PLEKHM3: variants seen among roughly 807,000 people sequenced by gnomAD.
PLEKHM3 encodes pleckstrin homology domain containing M3.
Under a neutral mutation model 81.8 loss-of-function variants are expected in PLEKHM3, and 45 were observed. That is an observed-to-expected ratio of 0.55 (90% CI 0.43 to 0.71). The LOEUF (loss-of-function observed/expected upper bound fraction) is 0.71, where lower values mean the gene tolerates loss of function less well. Ranked by LOEUF, PLEKHM3 falls within the 30% of genes least tolerant of loss-of-function variation. PLEKHM3 has a pLI of 0.00. For synonymous variants in PLEKHM3, 352 were observed against 356.4 expected (o/e 0.99, Z 0.14); for missense variants, 788 against 924.3 (o/e 0.85, Z 1.91).
chr2:207,996,377 T>A (rs916069888), intron 2 of PLEKHM3, among the ~76,000 whole-genome samples: 4 of 152,212 alleles, frequency 2.6e-5, no homozygotes, highest in African/African-American at 9.7e-5. Flanking sequence ...GGTGGAGTCA[T>A]TTTTTCTAGA....
chr2:207,828,360 C>T lies in PLEKHM3; in HGVS notation c.2245G>A (p.Glu749Lys). 1 of 1,613,998 alleles carries T rather than the reference C, an allele frequency of 6.2e-7. No individual in the cohort carries two copies. Among genetic ancestry groups the T allele is most frequent in the Non-Finnish European group, 8.5e-7 (1 of 1,179,996 alleles). The change falls in exon 8 of 8, where the codon GAG becomes AAG. Residue 749 changes from glutamate (E) to lysine (K), a missense_variant. Physicochemically the swap from Glu to Lys is moderately conservative, Grantham distance 56 (BLOSUM62 1). Transcript: ENST00000427836. ...QRLNMDESLE[E>K]ACTMFELSYQ... is the part of the protein sequence containing the mutation. Reference sequence around the variant, plus strand: ...GACAGCTCGAACATGGTGCAAGCCTCCTCTAGACTCTCGTCCATGTTCAGT... The same window carrying T: ...GACAGCTCGAACATGGTGCAAGCCTTCTCTAGACTCTCGTCCATGTTCAGT...
chr2:207,927,408 C>T (rs1689431884), intron 5 of PLEKHM3, among the ~76,000 whole-genome samples: 2 of 149,270 alleles, frequency 1.3e-5, no homozygotes, highest in African/African-American at 5.0e-5. Context: ...CCCAGCCACT[C>T]AGGAGGCTGA....
chr2:208,023,626 C>T (rs1159543588), intron 1 of PLEKHM3, among the ~76,000 whole-genome samples: 3 of 152,100 alleles, frequency 2.0e-5, no homozygotes, highest in African/African-American at 4.8e-5. Context: ...AGGTTGCACG[C>T]TCCTTATGAG....
At chr2:207,831,269 A>C (rs1559198771) in intron 7 of PLEKHM3, among the ~76,000 whole-genome samples, 1 of 152,296 alleles carries the variant, frequency 6.6e-6, no homozygotes, top group Non-Finnish European at 1.5e-5. Flanking sequence ...AGACTCCAAG[A>C]GGGCTAGGGA....
chr2:207,894,220 C>T (rs1049284934), intron 6 of PLEKHM3, among the ~76,000 whole-genome samples: 5 of 152,208 alleles, frequency 3.3e-5, no homozygotes, highest in Non-Finnish European at 5.9e-5. Flanking sequence ...TGTGGATTAT[C>T]CAGTTCCTTT....
intron 6 of PLEKHM3, among the ~76,000 whole-genome samples, chr2:207,903,745 G>A (rs939659955): frequency 7.2e-5 from 11 of 152,050 alleles, no homozygotes; most frequent in African/African-American, 2.2e-4. Flanking sequence ...GTAAAATCTG[G>A]AACCTTTTCA....
At chr2:207,882,326 G>T (rs959430148) in intron 6 of PLEKHM3, among the ~76,000 whole-genome samples, 8 of 152,074 alleles carry the variant, frequency 5.3e-5, no homozygotes, top group African/African-American at 1.9e-4. Context: ...AAAAGGCCTG[G>T]GTTGGCCGGA....
At chr2:207,928,403 G>C (rs999043284) in intron 5 of PLEKHM3, among the ~76,000 whole-genome samples, 4 of 152,212 alleles carry the variant, frequency 2.6e-5, no homozygotes, top group African/African-American at 9.7e-5. Context: ...GAAAATAACA[G>C]GTGGTGGCTT....
chr2:207,939,647 G>C (rs1574425359), intron 4 of PLEKHM3, among the ~76,000 whole-genome samples: 1 of 152,154 alleles, frequency 6.6e-6, no homozygotes, highest in Non-Finnish European at 1.5e-5. Context: ...TTATGAACTG[G>C]GTTCTATTAT....
intron 7 of PLEKHM3, among the ~76,000 whole-genome samples, chr2:207,850,971 G>T (rs1365632188): frequency 6.6e-6 from 1 of 151,878 alleles, no homozygotes; most frequent in Non-Finnish European, 1.5e-5. Flanking sequence ...TGACCAACAC[G>T]ATGAAACCCC....
At chr2:207,859,542 T>C (rs1473635725) in intron 7 of PLEKHM3, among the ~76,000 whole-genome samples, 1 of 152,166 alleles carries the variant, frequency 6.6e-6, no homozygotes, top group Non-Finnish European at 1.5e-5. Context: ...TTCTACTTTT[T>C]AGCTATTACG....
chr2:207,991,932 C>T (rs1691912740), intron 2 of PLEKHM3, among the ~76,000 whole-genome samples: 1 of 152,198 alleles, frequency 6.6e-6, no homozygotes, highest in East Asian at 1.9e-4. Flanking sequence ...AGAAAAATTA[C>T]AGTGATATTT....
intron 1 of PLEKHM3, among the ~76,000 whole-genome samples, chr2:208,009,174 G>C (rs1275450178): frequency 6.6e-6 from 1 of 152,166 alleles, no homozygotes; most frequent in Non-Finnish European, 1.5e-5. Flanking sequence ...TCTTGGGCTA[G>C]TTTGCCATTC....
intron 2 of PLEKHM3, among the ~76,000 whole-genome samples, chr2:208,000,373 T>C (rs1390486837): frequency 6.6e-6 from 1 of 152,212 alleles, no homozygotes; most frequent in Non-Finnish European, 1.5e-5. Flanking sequence ...TCAAGTTCCA[T>C]GTCCCCTTGC....
chr2:207,998,258 G>T (rs2106084403), intron 2 of PLEKHM3, among the ~76,000 whole-genome samples: 1 of 152,324 alleles, frequency 6.6e-6, no homozygotes, highest in East Asian at 1.9e-4. Flanking sequence ...AACCCCAACA[G>T]TTTGAGAGGC....
intron 7 of PLEKHM3, among the ~76,000 whole-genome samples, chr2:207,847,992 T>C (rs777898779): frequency 6.6e-6 from 1 of 152,198 alleles, no homozygotes; most frequent in Non-Finnish European, 1.5e-5. Context: ...CCTGACAGTG[T>C]TTGTTTTGGA....
intron 7 of PLEKHM3, among the ~76,000 whole-genome samples, chr2:207,840,845 G>A (rs2105888525): frequency 7.1e-6 from 1 of 140,648 alleles, no homozygotes; most frequent in East Asian, 2.1e-4. Flanking sequence ...CTGTCACCCA[G>A]GCTGGAGTGC....
intron 3 of PLEKHM3, among the ~76,000 whole-genome samples, chr2:207,959,007 A>T (rs547454754): frequency 2.0e-5 from 3 of 152,298 alleles, no homozygotes; most frequent in African/African-American, 7.2e-5. Context: ...CCGAGACAAA[A>T]GGAGAAATCA....
intron 4 of PLEKHM3, among the ~76,000 whole-genome samples, chr2:207,938,487 G>T (rs1689834870): frequency 6.6e-6 from 1 of 152,170 alleles, no homozygotes; most frequent in Non-Finnish European, 1.5e-5. Flanking sequence ...TGCTATTAAG[G>T]ACAGCAGGCA....
Sources: allele counts gnomAD v4.1 joint callset (sites outside exome capture counted in the v4.1 genomes callset), GRCh38; gene constraint gnomAD v4.1.1; transcripts MANE v1.5; gene names NCBI Gene and HGNC (gene_info 2026-07-23, HGNC 2026-07-21).